The following PTPRG variants were observed in gnomAD, a reference collection of about 807,000 sequenced individuals.
PTPRG encodes protein tyrosine phosphatase receptor type G.
PTPRG carries 102 observed loss-of-function variants against 165.3 expected under a neutral mutation model. The observed-to-expected ratio is 0.62, with a 90% CI of 0.53 to 0.73. PTPRG has a LOEUF of 0.73. Ranked by LOEUF, PTPRG falls within the 30% of genes least tolerant of loss-of-function variation. The probability of loss-of-function intolerance (pLI) is 0.00; values close to 1 mark genes in which losing one functional copy is unlikely to be tolerated. For synonymous variants in PTPRG, 675 were observed against 669.5 expected, an observed-to-expected ratio of 1.01 and a Z score of -0.13; for missense variants, 1,866 against 1,861.4, an observed-to-expected ratio of 1.00 and a Z score of -0.05.
chr3:61,837,498 G>A (rs756042547), intron 2 of PTPRG, among the ~76,000 whole-genome samples: 1 of 152,210 alleles, frequency 6.6e-6, no homozygotes. Context: ...CGGCATGCAG[G>A]GGGTACTAGA....
At position 62,195,088 on chromosome 3, in the gene PTPRG, C is replaced by T. The variant is rs574073526; in HGVS notation, c.1245C>T (p.Pro415=). The part of the protein sequence containing the change: ...DLKATISHVS[P]DSLYLFRVQA... ...AAGCCACCATTAGCCATGTCTCACCCGATAGCCTTTACCTGTTCCGAGTCC... is the reference window on the plus strand; with the variant it reads ...AAGCCACCATTAGCCATGTCTCACCTGATAGCCTTTACCTGTTCCGAGTCC... Residue 415 remains proline (P), a synonymous_variant, in exon 10 of 30, where the codon CCC becomes CCT. Transcript: ENST00000474889. This position sits in a 1 kb window ranked among gnomAD's most constrained non-coding sequence, Gnocchi z 4.4. The T allele has an allele frequency of 8.1e-6, 13 of 1,614,222 alleles. No homozygotes were observed. The South Asian group carries it at 8.8e-5, about 11-fold the overall frequency.
rs1055573807 is a variant in PTPRG at position 62,210,153 on chromosome 3, G to T, written c.2155+6203G>T. ...AAGCTCTGCATGAAATGGTAAGGGAGCACTTATTCACAGGAACTCTTGGCA... is the reference window on the plus strand; with the variant it reads ...AAGCTCTGCATGAAATGGTAAGGGATCACTTATTCACAGGAACTCTTGGCA... On this transcript the variant is annotated intron_variant, in intron 12 of 29. Coordinates refer to ENST00000474889, the MANE Select transcript of PTPRG (RefSeq NM_002841.4). The surrounding 1 kb of genome is among the most constrained non-coding windows in gnomAD (Gnocchi z 4.1). 2.0e-5 allele frequency among the ~76,000 whole-genome samples: 3 copies of T among 152,174 alleles called. No homozygotes were observed. The highest frequency in any genetic ancestry group is 7.2e-5 in the African/African-American group (3 of 41,448).
At chr3:61,642,649 C>G (rs1364236192) in intron 1 of PTPRG, among the ~76,000 whole-genome samples, 8 of 152,158 alleles carry the variant, frequency 5.3e-5, no homozygotes, top group Non-Finnish European at 1.2e-4. Flanking sequence ...TTGGGGAGCC[C>G]CTTAAAACCC....
intron 2 of PTPRG, among the ~76,000 whole-genome samples, chr3:61,851,587 A>G (rs2036964969): frequency 6.6e-6 from 1 of 152,222 alleles, no homozygotes; most frequent in South Asian, 2.1e-4. Flanking sequence ...TGGTGGAAAA[A>G]TGGGTTGTTT....
chr3:61,662,602 A>C (rs1039999175), intron 1 of PTPRG, among the ~76,000 whole-genome samples: 17 of 152,242 alleles, frequency 1.1e-4, no homozygotes, highest in Admixed American at 1.0e-3. Flanking sequence ...GTTACACAGT[A>C]ATAGATCACT....
intron 2 of PTPRG, among the ~76,000 whole-genome samples, chr3:61,893,701 T>C (rs949894759): frequency 2.6e-5 from 4 of 152,250 alleles, no homozygotes; most frequent in Non-Finnish European, 5.9e-5. Context: ...GCTACGTCTG[T>C]GTGTTCACCA....
chr3:61,791,659 T>C (rs964678055), intron 2 of PTPRG, among the ~76,000 whole-genome samples: 3 of 152,292 alleles, frequency 2.0e-5, no homozygotes, highest in South Asian at 4.1e-4. Context: ...GGCTAATGTT[T>C]ATATTTTCAG....
chr3:61,807,990 T>C (rs2035466722), intron 2 of PTPRG, among the ~76,000 whole-genome samples: 1 of 152,226 alleles, frequency 6.6e-6, no homozygotes, highest in South Asian at 2.1e-4. Context: ...AACGCCTGTT[T>C]ATCAGATTAT....
chr3:61,984,091 A>G (rs1476629396), intron 2 of PTPRG, among the ~76,000 whole-genome samples: 3 of 152,152 alleles, frequency 2.0e-5, no homozygotes, highest in African/African-American at 4.8e-5. Flanking sequence ...AGTTGGAATT[A>G]ATCTCCAATT....
chr3:61,953,863 T>G (rs1286649968), intron 2 of PTPRG, among the ~76,000 whole-genome samples: 1 of 9,408 alleles, frequency 1.1e-4, no homozygotes, highest in Non-Finnish European at 2.3e-4. Flanking sequence ...GAGTGTATTT[T>G]CTGCTGCTGT....
chr3:61,817,167 A>G (rs1251209050), intron 2 of PTPRG, among the ~76,000 whole-genome samples: 2 of 78,896 alleles, frequency 2.5e-5, no homozygotes, highest in Admixed American at 1.5e-4. Flanking sequence ...TATATAATAT[A>G]TAATAATATA....
At chr3:61,937,643 A>G (rs2039512666) in intron 2 of PTPRG, among the ~76,000 whole-genome samples, 1 of 152,214 alleles carries the variant, frequency 6.6e-6, no homozygotes, top group African/African-American at 2.4e-5. Flanking sequence ...AGGCCTGGAA[A>G]CTTGGAAACA....
intron 2 of PTPRG, among the ~76,000 whole-genome samples, chr3:61,756,601 A>G (rs1279093815): frequency 6.6e-6 from 1 of 152,076 alleles, no homozygotes; most frequent in East Asian, 1.9e-4. Flanking sequence ...CCTGAGTTCT[A>G]AAGTTTCTTG....
intron 1 of PTPRG, among the ~76,000 whole-genome samples, chr3:61,695,076 T>C (rs747475598): frequency 4.6e-5 from 7 of 151,994 alleles, no homozygotes; most frequent in Non-Finnish European, 1.0e-4. Flanking sequence ...AATGGCGCGA[T>C]AGTGGCTCAC....
chr3:61,963,873 T>TA (rs1485152389), intron 2 of PTPRG, among the ~76,000 whole-genome samples: 77 of 151,284 alleles, frequency 5.1e-4, no homozygotes, highest in Middle Eastern at 6.8e-3. Flanking sequence ...AATATATATT[T>TA]TAAAAAAAAA....
chr3:61,626,642 G>T (rs1457428376), intron 1 of PTPRG, among the ~76,000 whole-genome samples: 1 of 152,230 alleles, frequency 6.6e-6, no homozygotes, highest in Non-Finnish European at 1.5e-5. Flanking sequence ...GGAAGTAAGA[G>T]TGTCGCTCTT....
In PTPRG at chr3:62,195,019, G is replaced by T; in HGVS notation, c.1219-43G>T. On this transcript the variant is annotated intron_variant, in intron 9 of 29. Coordinates refer to ENST00000474889, the MANE Select transcript of PTPRG (RefSeq NM_002841.4). The surrounding 1 kb of genome is among the most constrained non-coding windows in gnomAD (Gnocchi z 4.4). ...GCTTTAGAATGCAAAGTGTGCCTTG[G>T]CCTTCAAAACTAACTCACTGCTTTT... is the stretch of plus-strand genomic sequence containing the variant. 4 of 1,582,124 alleles carry T rather than the reference G, an allele frequency of 2.5e-6. No homozygotes were observed. The highest frequency in any genetic ancestry group is 3.5e-6 in the Non-Finnish European group (4 of 1,151,110).
chr3:61,923,372 G>A (rs978894378), intron 2 of PTPRG, among the ~76,000 whole-genome samples: 4 of 151,882 alleles, frequency 2.6e-5, no homozygotes, highest in South Asian at 2.1e-4. Context: ...AATCGCCAGC[G>A]TTTTCCCAAA....
At chr3:61,658,496 T>G (rs548261772) in intron 1 of PTPRG, among the ~76,000 whole-genome samples, 60 of 152,296 alleles carry the variant, frequency 3.9e-4, no homozygotes, top group African/African-American at 1.4e-3. Flanking sequence ...TTGAGCTCCT[T>G]TTTCTATCTT....
Sources: allele counts gnomAD v4.1 joint callset (sites outside exome capture counted in the v4.1 genomes callset), GRCh38; gene constraint gnomAD v4.1.1; non-coding constraint Gnocchi (gnomAD v3.1); transcripts MANE v1.5; gene names NCBI Gene and HGNC (gene_info 2026-07-23, HGNC 2026-07-21).